Variants in STAB1 observed in about 807,000 individuals in gnomAD.
STAB1 encodes stabilin 1, also known as stabilin-1.
A neutral mutation model predicts 332.4 loss-of-function variants in STAB1; 250 were observed. The observed-to-expected ratio is 0.75, with a 90% CI of 0.68 to 0.84. STAB1 has a LOEUF of 0.84. Ranked by LOEUF, STAB1 falls within the 40% of genes least tolerant of loss-of-function variation. STAB1 has a pLI of 0.00. For missense variants in STAB1, 3,249 were observed against 3,489.7 expected (o/e 0.93, Z 1.74); for synonymous variants, 1,475 against 1,390.4 (o/e 1.06, Z -1.35).
chr3:52,517,224 C>A, intron 42 of STAB1, 96 bp from the exon 43 acceptor site: 1 of 1,440,028 alleles, frequency 6.9e-7, no homozygotes, highest in Non-Finnish European at 9.3e-7. Flanking sequence ...ACTGGGGGCG[C>A]TGAGAGAGGA....
Position 52,523,587 on chromosome 3 carries a change from C to G in STAB1, c.7290+11C>G. 6.2e-7 allele frequency: 1 copy of G among 1,612,618 alleles called. No homozygotes were observed. The highest frequency in any genetic ancestry group is 2.2e-5 in the East Asian group (1 of 44,886). ...TCCTGGGCCCCTGTGGTGAGTCTGG[C>G]CACTGTCCCACCCTGTTGGCCCTGG... On this transcript the variant is annotated intron_variant, in intron 65 of 68. Transcript: ENST00000321725.
chr3:52,516,643 G>A, intron 40 of STAB1, 49 bp from the exon 41 acceptor site: 2 of 1,612,332 alleles, frequency 1.2e-6, no homozygotes, highest in South Asian at 1.1e-5. Flanking sequence ...TGGGGGTCAA[G>A]GCACGACTGG....
At position 52,518,622 on chromosome 3, in the gene STAB1, C is replaced by T; in HGVS notation, c.4887+9C>T. On this transcript the variant is annotated intron_variant, in intron 47 of 68. Coordinates refer to ENST00000321725, the MANE Select transcript of STAB1 (RefSeq NM_015136.3). ...TGAGCAACCTGTCGCAGGTATGCAG[C>T]CCCCAGAGCGAGGCTGGGCAGGGCT... is the stretch of plus-strand genomic sequence containing the variant. 3 of 1,608,564 alleles carry T rather than the reference C, an allele frequency of 1.9e-6. No individual in the cohort carries two copies. The highest frequency in any genetic ancestry group is 2.5e-6 in the Non-Finnish European group (3 of 1,177,990).
intron 30 of STAB1, 119 bp from the exon 31 acceptor site, chr3:52,513,598 G>A: frequency 1.9e-6 from 2 of 1,038,628 alleles, no homozygotes; most frequent in South Asian, 3.0e-5. Context: ...CAGCTTGTGG[G>A]CCAGCCTGCG....
chr3:52,515,559 TGG>T (rs1451172370), intron 37 of STAB1, 53 bp downstream of exon 37: 7 of 1,593,846 alleles, frequency 4.4e-6, no homozygotes, highest in Non-Finnish European at 6.0e-6. Flanking sequence ...GAGGTGGGAG[TGG>T]GTGGGGGCCC....
At chr3:52,505,996 C>T in intron 16 of STAB1, 60 bp downstream of exon 16, 2 of 1,600,172 alleles carry the variant, frequency 1.2e-6, no homozygotes, top group Non-Finnish European at 1.7e-6. Context: ...CCTGCAGGTT[C>T]TGGACTTCCC....
At position 52,523,410 on chromosome 3, in the gene STAB1, C is replaced by A. The variant is rs1357241253; in HGVS notation, c.7141-17C>A. On this transcript the variant is annotated splice_polypyrimidine_tract_variant and intron_variant, in intron 64 of 68. Coordinates refer to ENST00000321725, the MANE Select transcript of STAB1 (RefSeq NM_015136.3). ...TCTCCATCTGGCCCAGGCCAACAGGCCTTGCTCTGCTCACAGACGCTGAGT... is the reference window on the plus strand; with the variant it reads ...TCTCCATCTGGCCCAGGCCAACAGGACTTGCTCTGCTCACAGACGCTGAGT... 3 of 1,609,390 alleles carry A rather than the reference C, an allele frequency of 1.9e-6. No individual in the cohort carries two copies. Among genetic ancestry groups the A allele is most frequent in the South Asian group, 2.2e-5 (2 of 91,030 alleles).
chr3:52,506,142 C>G, intron 16 of STAB1, 28 bp from the exon 17 acceptor site: 1 of 1,601,516 alleles, frequency 6.2e-7, no homozygotes, highest in Non-Finnish European at 8.5e-7. Flanking sequence ...CAGAGCCCAG[C>G]CTAAAGCCAC....
chr3:52,518,853 G>T lies in STAB1; in HGVS notation c.5018G>T (p.Arg1673Leu), dbSNP rs143006913. ...ACGGCCCTCTCAGGGCACCCACTGC[G>T]CTTCAGCGAGAGGGAGGTGAGCCCT... ...YATALSGHPLRFSEREGSIYL... is the reference protein window; with the variant it reads ...YATALSGHPLLFSEREGSIYL... The change falls in exon 48 of 69, where the codon CGC becomes CTC. Residue 1673 changes from arginine (R) to leucine (L), a missense_variant. Arg to Leu is a moderately radical substitution (Grantham distance 102, BLOSUM62 -2). Coordinates refer to ENST00000321725, the MANE Select transcript of STAB1 (RefSeq NM_015136.3). 131 of 1,597,504 alleles carry T rather than the reference G, an allele frequency of 8.2e-5. No individual in the cohort carries two copies. In the African/African-American group the frequency reaches 1.5e-3, roughly 19 times the overall value.
intron 1 of STAB1, among the ~76,000 whole-genome samples, chr3:52,496,153 C>T (rs1357913988): frequency 6.6e-6 from 1 of 152,190 alleles, no homozygotes; most frequent in Non-Finnish European, 1.5e-5. Context: ...AAACCCCTGC[C>T]TGTGATGGCC....
rs768537830 is a variant in STAB1 at position 52,517,348 on chromosome 3, G to T, written c.4518G>T (p.Gly1506=). 6.2e-7 allele frequency: 1 copy of T among 1,602,518 alleles called. No individual in the cohort carries two copies. Among genetic ancestry groups the T allele is most frequent in the Admixed American group, 1.7e-5 (1 of 57,958 alleles). ...QEINSCLIHH[G]GCHIHAECIP... ...TTAACAGCTGTCTCATCCACCACGG[G>T]GGCTGCCACATTCACGCCGAGTGCA... Residue 1506 remains glycine (G), a synonymous_variant, in exon 43 of 69, where the codon GGG becomes GGT. Coordinates refer to ENST00000321725, the MANE Select transcript of STAB1 (RefSeq NM_015136.3).
At chr3:52,501,352 G>A (rs764708226) in intron 2 of STAB1, 50 bp downstream of exon 2, 1 of 1,593,756 alleles carries the variant, frequency 6.3e-7, no homozygotes, top group Admixed American at 1.7e-5. Flanking sequence ...CCTGTGGGGT[G>A]GCAGGGACTC....
intron 46 of STAB1, 53 bp from the exon 47 acceptor site, chr3:52,518,483 A>C: frequency 1.9e-6 from 3 of 1,562,388 alleles, no homozygotes; most frequent in Non-Finnish European, 2.6e-6. Flanking sequence ...CAGGAGATCC[A>C]TGGACGCCTC....
chr3:52,513,106 C>T, intron 29 of STAB1, 24 bp from the exon 30 acceptor site: 1 of 1,555,158 alleles, frequency 6.4e-7, no homozygotes, highest in Non-Finnish European at 8.7e-7. Context: ...GATTCCATGA[C>T]CCCCCTAAAC....
In STAB1 at chr3:52,502,985, TC is replaced by T; in HGVS notation, c.584-12del. On this transcript the variant is annotated splice_polypyrimidine_tract_variant and intron_variant, in intron 6 of 68. Transcript: ENST00000321725. ...TGGGCTTGGGCTCATCAGTGCTCTC[TC>T]CACTCTGCGCAGAGCTGCCCGTCTG... 6.5e-7 allele frequency: 1 copy of T among 1,542,406 alleles called. No individual in the cohort carries two copies.
intron 50 of STAB1, 100 bp downstream of exon 50, chr3:52,519,664 A>G (rs2079007592): frequency 6.6e-7 from 1 of 1,512,736 alleles, no homozygotes; most frequent in Non-Finnish European, 9.0e-7. Context: ...ACCTGTGTGC[A>G]CACTGTCCCG....
chr3:52,503,559 C>A lies in STAB1; in HGVS notation c.891+19C>A. Reference sequence around the variant, plus strand: ...GGGCCAGGTGAGCCAGGGTCCCAGGCCGGAACTGTCCCCACAGTGCACCCA... The same window carrying A: ...GGGCCAGGTGAGCCAGGGTCCCAGGACGGAACTGTCCCCACAGTGCACCCA... On this transcript the variant is annotated intron_variant, in intron 8 of 68. Coordinates refer to ENST00000321725, the MANE Select transcript of STAB1 (RefSeq NM_015136.3). 1 of 1,609,890 alleles carries A rather than the reference C, an allele frequency of 6.2e-7. No individual in the cohort carries two copies. Among genetic ancestry groups the A allele is most frequent in the South Asian group, 1.1e-5 (1 of 90,592 alleles).
Position 52,519,495 on chromosome 3 carries a change from C to G in STAB1, c.5176-10C>G. The G allele has an allele frequency of 6.2e-7, 1 of 1,613,246 alleles. No individual in the cohort carries two copies. The highest frequency in any genetic ancestry group is 8.5e-7 in the Non-Finnish European group (1 of 1,179,998). On this transcript the variant is annotated splice_polypyrimidine_tract_variant and intron_variant, in intron 49 of 68. Coordinates refer to ENST00000321725, the MANE Select transcript of STAB1 (RefSeq NM_015136.3). ...GCCTGGCCTAGCTGTTTATGAGAGC[C>G]TTTCCTCAGAGAAATGTCACCGCCG...
rs1318659496 is a variant in STAB1, at chr3:52,510,399, AGGCTGGAGTGGGGAT to A, written c.2683_2697del (p.Trp895_Gly899del). The A allele has an allele frequency of 6.2e-7, 1 of 1,613,998 alleles. No individual in the cohort carries two copies. The highest frequency in any genetic ancestry group is 8.5e-7 in the Non-Finnish European group (1 of 1,180,030). On this transcript the variant is annotated inframe_deletion, in exon 25 of 69. Transcript: ENST00000321725. ...GCACCCACCACTGCACATGCCACAA[AGGCTGGAGTGGGGAT>A]GGCCGCGTCTGTGTGGCTATTGACG...
Sources: gnomAD v4.1 joint callset for allele counts (sites outside exome capture counted in the v4.1 genomes callset) on GRCh38, gnomAD v4.1.1 for gene constraint, MANE v1.5 for transcripts, NCBI Gene and HGNC (gene_info 2026-07-23, HGNC 2026-07-21) for gene names.